The following PGR variants were observed in gnomAD, a reference collection of about 807,000 sequenced individuals.
PGR encodes nuclear receptor subfamily 3 group C member 3.
Under a neutral mutation model 76.1 loss-of-function variants are expected in PGR, and 25 were observed. The observed-to-expected ratio is 0.33, with a 90% CI of 0.24 to 0.46. The LOEUF (loss-of-function observed/expected upper bound fraction) is 0.46. Among genes scored for constraint, PGR ranks in the 20% least tolerant of loss-of-function variants. The probability of loss-of-function intolerance (pLI) is 1.00; values close to 1 mark genes in which losing one functional copy is unlikely to be tolerated. For missense variants in PGR, 1,172 were observed against 1,225.3 expected (o/e 0.96, Z 0.65); for synonymous variants, 579 against 535.0 (o/e 1.08, Z -1.14).
At position 101,030,761 on chromosome 11, in the gene PGR, G is replaced by A. The variant is rs905648227; in HGVS notation, c.*8355C>T. ...CGAAAAACATGGTCTAAATCTCAAAGGTATCCTTAAAAGGTGGACTTAAGC... is the reference window on the plus strand; with the variant it reads ...CGAAAAACATGGTCTAAATCTCAAAAGTATCCTTAAAAGGTGGACTTAAGC... On this transcript the variant is annotated 3_prime_UTR_variant, in exon 8 of 8. Coordinates refer to ENST00000325455, the MANE Select transcript of PGR (RefSeq NM_000926.4). The A allele has an allele frequency of 4.9e-6, 1 of 203,962 alleles. No individual in the cohort carries two copies. The highest frequency in any genetic ancestry group is 2.3e-5 in the African/African-American group (1 of 43,684). The allele number at this position is 203,962 out of a possible 1,614,324, so 12.6% of individuals were successfully genotyped here. A position where few individuals can be genotyped will look rare whatever the true frequency, so the allele number is the denominator to read the frequency against.
chr11:101,070,774 G>A (rs1591388206), intron 3 of PGR, among the ~76,000 whole-genome samples: 1 of 152,142 alleles, frequency 6.6e-6, no homozygotes, highest in South Asian at 2.1e-4. Context: ...TGCCTCTCTA[G>A]ACTCCTCTCT....
At chr11:101,115,560 T>G (rs2135492766) in intron 2 of PGR, among the ~76,000 whole-genome samples, 1 of 152,182 alleles carries the variant, frequency 6.6e-6, no homozygotes, top group South Asian at 2.1e-4. Context: ...TCACTTCAGG[T>G]CAGGAGTTCA....
At position 101,033,413 on chromosome 11, in the gene PGR, T is replaced by C; in HGVS notation, c.*5703A>G. On this transcript the variant is annotated 3_prime_UTR_variant, in exon 8 of 8. Transcript: ENST00000325455. The stretch of plus-strand genomic sequence containing the variant: ...AAAAAGATAACTTAATTGTATGTAA[T>C]ATATTATGACCCCAAAGCTCTGGAT... 5.2e-6 allele frequency: 1 copy of C among 192,152 alleles called. No homozygotes were observed. Among genetic ancestry groups the C allele is most frequent in the Non-Finnish European group, 1.1e-5 (1 of 91,868 alleles). The allele number at this position is 192,152 out of a possible 1,614,324, so 11.9% of individuals were successfully genotyped here.
intron 2 of PGR, among the ~76,000 whole-genome samples, chr11:101,101,139 G>C (rs1640913812): frequency 1.3e-5 from 2 of 152,280 alleles, no homozygotes; most frequent in South Asian, 4.1e-4. Context: ...TGCTTTTACT[G>C]AGGGCTAATA....
intron 3 of PGR, among the ~76,000 whole-genome samples, chr11:101,078,150 A>G (rs1861184634): frequency 6.6e-6 from 1 of 152,188 alleles, no homozygotes; most frequent in Non-Finnish European, 1.5e-5. Flanking sequence ...TAGCCCAGAA[A>G]GTTATTCTCT....
chr11:101,075,359 T>C (rs561251892), intron 3 of PGR, among the ~76,000 whole-genome samples: 1 of 152,078 alleles, frequency 6.6e-6, no homozygotes, highest in Admixed American at 6.5e-5. Flanking sequence ...CTGAAAACCA[T>C]AAAAACCCTA....
intron 3 of PGR, among the ~76,000 whole-genome samples, chr11:101,085,200 C>T (rs1045592400): frequency 1.3e-5 from 2 of 152,234 alleles, no homozygotes; most frequent in African/African-American, 4.8e-5. Flanking sequence ...TAAACCAAGA[C>T]TCAGTACATT....
At chr11:101,123,875 A>C (rs1490531314) in intron 2 of PGR, among the ~76,000 whole-genome samples, 4 of 152,232 alleles carry the variant, frequency 2.6e-5, no homozygotes, top group Admixed American at 1.3e-4. Flanking sequence ...CTATATTACA[A>C]GTTCCTTGAA....
chr11:101,128,455 A>C lies in PGR; in HGVS notation c.616T>G (p.Ser206Ala). The change falls in exon 1 of 8, where the codon TCC becomes GCC. Residue 206 changes from serine to alanine, a missense_variant. Transcript: ENST00000325455. ...GGAGACGGCTTCACTGGGGCCCCGGACCAGTGAGGGCTCTCAGAGGCCGGG... is the reference window on the plus strand; with the variant it reads ...GGAGACGGCTTCACTGGGGCCCCGGCCCAGTGAGGGCTCTCAGAGGCCGGG... ...LLPASESPHWSGAPVKPSPQA... is the reference protein window; with the variant it reads ...LLPASESPHWAGAPVKPSPQA... The C allele has an allele frequency of 4.3e-6, 7 of 1,609,620 alleles. No individual in the cohort carries two copies. Among genetic ancestry groups the C allele is most frequent in the Non-Finnish European group, 5.1e-6 (6 of 1,179,636 alleles).
chr11:101,054,202 T>C (rs556830971), intron 4 of PGR, among the ~76,000 whole-genome samples: 1 of 152,216 alleles, frequency 6.6e-6, no homozygotes, highest in Non-Finnish European at 1.5e-5. Flanking sequence ...TTCTTTTTCT[T>C]TTGTTTTTAA....
At chr11:101,039,323 T>A in intron 7 of PGR, 52 bp from the exon 8 acceptor site, 1 of 1,329,824 alleles carries the variant, frequency 7.5e-7, no homozygotes. Context: ...AATAAATTCA[T>A]ATGCTATTCA....
intron 3 of PGR, among the ~76,000 whole-genome samples, chr11:101,076,202 G>A (rs943636392): frequency 2.6e-5 from 4 of 151,278 alleles, no homozygotes; most frequent in African/African-American, 9.7e-5. Flanking sequence ...ATCATTCAGA[G>A]CAAACTAACA....
At chr11:101,054,797 G>A (rs1417330615) in intron 4 of PGR, among the ~76,000 whole-genome samples, 3 of 152,000 alleles carry the variant, frequency 2.0e-5, no homozygotes, top group East Asian at 1.9e-4. Context: ...GAGACAAATG[G>A]GATAATTATG....
At position 101,111,164 on chromosome 11, in the gene PGR, A is replaced by T. The variant is rs187782921; in HGVS notation, c.1789+14843T>A. ...TAAGGTATGCCTATAACAAATACAT[A>T]TAATGTGTCTACTATAGTGCCTGGT... On this transcript the variant is annotated intron_variant, in intron 2 of 7. Coordinates refer to ENST00000325455, the MANE Select transcript of PGR (RefSeq NM_000926.4). 1.6e-4 allele frequency among the ~76,000 whole-genome samples: 24 copies of T among 152,342 alleles called. No individual in the cohort carries two copies. The East Asian group carries it at 4.6e-3, about 29-fold the overall frequency.
At chr11:101,075,456 C>T (rs1861089761) in intron 3 of PGR, among the ~76,000 whole-genome samples, 1 of 151,982 alleles carries the variant, frequency 6.6e-6, no homozygotes, top group Admixed American at 6.6e-5. Flanking sequence ...CAACAAAAGA[C>T]AAAATTGACA....
At chr11:101,085,546 A>AAAAAAAG (rs1861468520) in intron 3 of PGR, among the ~76,000 whole-genome samples, 1 of 149,398 alleles carries the variant, frequency 6.7e-6, no homozygotes, top group African/African-American at 2.4e-5. Context: ...AAAAAAAAAA[A>AAAAAAAG]AAAACAAGAA....
chr11:101,128,982 C>A lies in PGR; in HGVS notation c.89G>T (p.Arg30Leu). 1 of 1,597,774 alleles carries A rather than the reference C, an allele frequency of 6.3e-7. No homozygotes were observed. Among genetic ancestry groups the A allele is most frequent in the Non-Finnish European group, 8.5e-7 (1 of 1,171,518 alleles). ...SPEVGSPLLC[R>L]PAAGPFPGSQ... The stretch of plus-strand genomic sequence containing the variant: ...CCCCGGGAACGGACCTGCGGCTGGG[C>A]GACACAGCAGTGGGGATCCGACCTC... The change falls in exon 1 of 8, where the codon CGC (arginine) becomes CTC (leucine). Residue 30 changes from arginine (R) to leucine (L), a missense_variant. Arg to Leu is a moderately radical substitution (Grantham distance 102). Transcript: ENST00000325455.
intron 3 of PGR, among the ~76,000 whole-genome samples, chr11:101,075,775 T>C (rs371773545): frequency 6.6e-6 from 1 of 152,146 alleles, no homozygotes; most frequent in East Asian, 1.9e-4. Context: ...GAGATGCCAT[T>C]TCATGCCAGT....
intron 2 of PGR, among the ~76,000 whole-genome samples, chr11:101,114,588 G>A (rs1862443371): frequency 6.6e-6 from 1 of 152,088 alleles, no homozygotes; most frequent in East Asian, 1.9e-4. Context: ...ATTCTGCATG[G>A]TGCTTTTAGG....
Sources: allele counts gnomAD v4.1 joint callset (sites outside exome capture counted in the v4.1 genomes callset), GRCh38; gene constraint gnomAD v4.1.1; transcripts MANE v1.5; gene names NCBI Gene and HGNC (gene_info 2026-07-23, HGNC 2026-07-21).